The following ALDH2 variants were observed in gnomAD, a reference collection of about 807,000 sequenced individuals.
ALDH2 encodes aldehyde dehydrogenase, mitochondrial.
Under a neutral mutation model 59.6 loss-of-function variants are expected in ALDH2, and 44 were observed. That is an observed-to-expected ratio of 0.74 (90% CI 0.58 to 0.95). The LOEUF (loss-of-function observed/expected upper bound fraction) is 0.95, where lower values mean the gene tolerates loss of function less well. Among genes scored for constraint, ALDH2 ranks in the 40% least tolerant of loss-of-function variants. The probability of loss-of-function intolerance (pLI) is 0.00; values close to 1 mark genes in which losing one functional copy is unlikely to be tolerated. For missense variants in ALDH2, 570 were observed against 696.3 expected (o/e 0.82, Z 2.04); for synonymous variants, 291 against 284.0 (o/e 1.02, Z -0.25).
At chr12:111,790,755 A>C (rs1016806128) in intron 6 of ALDH2, among the ~76,000 whole-genome samples, 193 bp downstream of exon 6, 2 of 152,124 alleles carry the variant, frequency 1.3e-5, no homozygotes, top group Non-Finnish European at 2.9e-5. Flanking sequence ...CCTTTGAAGA[A>C]TTAAAAATAT....
At chr12:111,789,122 A>G (rs1593077807) in intron 4 of ALDH2, among the ~76,000 whole-genome samples, 1 of 145,970 alleles carries the variant, frequency 6.9e-6, no homozygotes, top group East Asian at 2.1e-4. Context: ...GGTTTAAGCC[A>G]TTCTTCTGCC....
intron 1 of ALDH2, among the ~76,000 whole-genome samples, chr12:111,771,570 T>A (rs888399605): frequency 6.6e-6 from 1 of 152,152 alleles, no homozygotes; most frequent in Admixed American, 6.6e-5. Context: ...AAATAATGTA[T>A]CTCAAAAACA....
chr12:111,768,589 A>G (rs2068175885), intron 1 of ALDH2, among the ~76,000 whole-genome samples: 1 of 152,208 alleles, frequency 6.6e-6, no homozygotes, highest in South Asian at 2.1e-4. Context: ...TGTAAATCCC[A>G]GCATTTTGGG....
chr12:111,790,373 G>C (rs963398174), intron 5 of ALDH2, 61 bp from the exon 6 acceptor site: 2 of 1,608,792 alleles, frequency 1.2e-6, no homozygotes, highest in African/African-American at 2.7e-5. Flanking sequence ...GCCACCTTCT[G>C]CTACCCAGTG....
chr12:111,809,366 G>T (rs951431559), intron 12 of ALDH2, among the ~76,000 whole-genome samples, 177 bp from the exon 13 acceptor site: 7 of 152,098 alleles, frequency 4.6e-5, no homozygotes, highest in African/African-American at 1.7e-4. Flanking sequence ...GAGGTGGGAG[G>T]ATCGCTTGAG....
In ALDH2 at chr12:111,785,337, A is replaced by G. The variant is rs753520756; in HGVS notation, c.431A>G (p.Lys144Arg). 8.1e-6 allele frequency: 13 copies of G among 1,613,624 alleles called. No individual in the cohort carries two copies. The Admixed American group carries it at 1.2e-4, about 14-fold the overall frequency. The change falls in exon 4 of 13, where the codon AAA (lysine) becomes AGA (arginine). Residue 144 changes from lysine (K) to arginine (R), a missense_variant. By Grantham distance (26) the Lys-to-Arg change is conservative. Transcript: ENST00000261733. Reference sequence around the variant, plus strand: ...CTGGTGGATTTGGACATGGTCCTCAAATGTCTCCGGTATGGGCTCAGCTTT... The same window carrying G: ...CTGGTGGATTTGGACATGGTCCTCAGATGTCTCCGGTATGGGCTCAGCTTT... ...SYLVDLDMVL[K>R]CLRYYAGWAD...
At chr12:111,780,762 G>A (rs1246100225) in intron 1 of ALDH2, among the ~76,000 whole-genome samples, 2 of 152,144 alleles carry the variant, frequency 1.3e-5, no homozygotes, top group Non-Finnish European at 2.9e-5. Context: ...GCTGTACTGT[G>A]TCCTCAGCCC....
rs1367170826 is a variant in ALDH2 at position 111,790,420 on chromosome 12, G to A, written c.553-14G>A. 1.2e-6 allele frequency: 2 copies of A among 1,614,132 alleles called. No individual in the cohort carries two copies. The highest frequency in any genetic ancestry group is 1.7e-5 in the Admixed American group (1 of 59,996). ...GGAAGCTTGGATTTCGAGGGCTGCT[G>A]TTGTTTGTTGCAGTGGAATTTCCCG... On this transcript the variant is annotated splice_polypyrimidine_tract_variant and intron_variant, in intron 5 of 12. Transcript: ENST00000261733.
intron 1 of ALDH2, among the ~76,000 whole-genome samples, chr12:111,775,280 C>G (rs572988496): frequency 1.2e-4 from 19 of 152,052 alleles, no homozygotes; most frequent in African/African-American, 2.7e-4. Flanking sequence ...TCTCCCCTCA[C>G]CTACACCCTG....
chr12:111,783,100 T>C (rs1354063433), intron 2 of ALDH2, 58 bp from the exon 3 acceptor site: 2 of 1,575,362 alleles, frequency 1.3e-6, no homozygotes, highest in African/African-American at 1.3e-5. Flanking sequence ...TCGGACCTGG[T>C]TATTACTGAG....
At chr12:111,797,937 G>A in intron 9 of ALDH2, 141 bp from the exon 10 acceptor site, 1 of 952,102 alleles carries the variant, frequency 1.1e-6, no homozygotes, top group South Asian at 1.5e-5. Flanking sequence ...TATTGGCCCT[G>A]TGTGTTTCCT....
rs189050296 is a variant in ALDH2, at chr12:111,780,135, C to T, written c.115-1783C>T. On this transcript the variant is annotated intron_variant, in intron 1 of 12. Transcript: ENST00000261733. ...CTCAAACTCTGGACCTAAGGTGATC[C>T]GCCCACCCCAGCCTCCCAAAGTGCT... Among the ~76,000 whole-genome samples, 301 of 152,224 alleles carry T rather than the reference C, an allele frequency of 2.0e-3. 2 individuals carry two copies. The highest frequency in any genetic ancestry group is 6.7e-3 in the African/African-American group (278 of 41,536).
chr12:111,780,903 G>A (rs1323120082), intron 1 of ALDH2, among the ~76,000 whole-genome samples: 2 of 152,074 alleles, frequency 1.3e-5, no homozygotes, highest in South Asian at 2.1e-4. Flanking sequence ...AGGGAGTATC[G>A]CTTGAGTCCA....
chr12:111,768,039 G>C (rs1229570850), intron 1 of ALDH2, among the ~76,000 whole-genome samples: 1 of 152,182 alleles, frequency 6.6e-6, no homozygotes, highest in Admixed American at 6.5e-5. Flanking sequence ...TACCTGTTTT[G>C]CAATTTAAGG....
At chr12:111,777,660 C>T (rs1266070842) in intron 1 of ALDH2, among the ~76,000 whole-genome samples, 2 of 152,156 alleles carry the variant, frequency 1.3e-5, no homozygotes, top group African/African-American at 2.4e-5. Flanking sequence ...TTCTCCTCCA[C>T]GGGCACCCCG....
chr12:111,790,059 T>A, intron 5 of ALDH2, 125 bp downstream of exon 5: 1 of 821,384 alleles, frequency 1.2e-6, no homozygotes, highest in Non-Finnish European at 1.9e-6. Flanking sequence ...AGATGGGCTC[T>A]GACAAAGCCA....
chr12:111,781,551 A>G (rs1327682350), intron 1 of ALDH2, among the ~76,000 whole-genome samples: 1 of 152,194 alleles, frequency 6.6e-6, no homozygotes, highest in Non-Finnish European at 1.5e-5. Flanking sequence ...GTAGCCACAC[A>G]AGGGAACTCT....
At chr12:111,799,662 G>A (rs138012599) in intron 10 of ALDH2, among the ~76,000 whole-genome samples, 1 of 152,258 alleles carries the variant, frequency 6.6e-6, no homozygotes, top group East Asian at 1.9e-4. Context: ...AACATACCTG[G>A]CAGGATTGTT....
Position 111,812,577 on chromosome 12 carries a change from T to C in ALDH2, c.*3002T>C, listed in dbSNP as rs1336560220. On this transcript the variant is annotated 3_prime_UTR_variant, in exon 13 of 13. Transcript: ENST00000261733. ...AGATTTTCTATGTATGGAGGGTGCA[T>C]CATTTAAGAGTATTTTAGGCCAGGC... The C allele has an allele frequency of 6.6e-6, 1 of 152,110 alleles. No individual in the cohort carries two copies. The highest frequency in any genetic ancestry group is 2.4e-5 in the African/African-American group (1 of 41,402). 9.4% of individuals were successfully genotyped at this position (152,110 alleles called of 1,614,324 possible). A position where few individuals can be genotyped will look rare whatever the true frequency, so the allele number is the denominator to read the frequency against.
Sources: allele counts gnomAD v4.1 joint callset (sites outside exome capture counted in the v4.1 genomes callset), GRCh38; gene constraint gnomAD v4.1.1; transcripts MANE v1.5; gene names NCBI Gene and HGNC (gene_info 2026-07-23, HGNC 2026-07-21).